ZNG1B: variants seen among roughly 807,000 people sequenced by gnomAD.
The protein encoded by ZNG1B is zinc-regulated GTPase metalloprotein activator 1B.
the ZNG1B span, chr2:113,495,956 T>C: frequency 1.9e-6 from 1 of 530,358 alleles, no homozygotes; most frequent in South Asian, 2.8e-5. Flanking sequence ...TAAAGAATGG[T>C]ATTTCACAAA....
the ZNG1B span, among the ~76,000 whole-genome samples, chr2:113,464,827 T>G: frequency 4.0e-5 from 6 of 151,820 alleles, no homozygotes; most frequent in African/African-American, 1.5e-4. Flanking sequence ...TATGAATGAT[T>G]TTTTCTAAAG....
At chr2:113,440,391 A>G in the ZNG1B span, among the ~76,000 whole-genome samples, 2 of 151,712 alleles carry the variant, frequency 1.3e-5, no homozygotes, top group African/African-American at 4.8e-5. Context: ...CAGTTTTCAC[A>G]TCACTGCCCT....
chr2:113,482,306 A>C, the ZNG1B span: 2 of 1,148,358 alleles, frequency 1.7e-6, no homozygotes, highest in Non-Finnish European at 2.5e-6. Context: ...GGCTATGTTT[A>C]GGACTATTTT....
chr2:113,448,969 T>G, the ZNG1B span, among the ~76,000 whole-genome samples: 1 of 152,200 alleles, frequency 6.6e-6, no homozygotes, highest in East Asian at 1.9e-4. Context: ...ATGAATGATG[T>G]TAGCTACATC....
At chr2:113,477,081 G>T in the ZNG1B span, among the ~76,000 whole-genome samples, 7 of 152,212 alleles carry the variant, frequency 4.6e-5, no homozygotes, top group Admixed American at 2.0e-4. Flanking sequence ...GTTTACCTAA[G>T]CAAGCCTGGG....
the ZNG1B span, among the ~76,000 whole-genome samples, chr2:113,460,387 A>C: frequency 1.3e-5 from 2 of 152,174 alleles, no homozygotes; most frequent in African/African-American, 4.8e-5. Context: ...TATGTGAATC[A>C]AAGGGGTTTT....
the ZNG1B span, among the ~76,000 whole-genome samples, chr2:113,489,032 C>T: frequency 1.3e-5 from 2 of 149,262 alleles, no homozygotes; most frequent in Admixed American, 6.7e-5. Context: ...GGAAATTCAT[C>T]GCAAAAAGAT....
chr2:113,450,481 T>C, the ZNG1B span, among the ~76,000 whole-genome samples: 1 of 150,200 alleles, frequency 6.7e-6, no homozygotes, highest in Non-Finnish European at 1.5e-5. Context: ...TCTTTAGCAC[T>C]ACAAACGCAT....
the ZNG1B span, among the ~76,000 whole-genome samples, chr2:113,483,321 G>A: frequency 6.6e-6 from 1 of 151,860 alleles, no homozygotes; most frequent in Non-Finnish European, 1.5e-5. Context: ...TGGCGGTTAC[G>A]ATGCCTTGCA....
At chr2:113,481,390 A>G in the ZNG1B span, 2 of 151,584 alleles carry the variant, frequency 1.3e-5, no homozygotes, top group African/African-American at 4.9e-5. Context: ...TCTCCCTACT[A>G]GGACCCCCCA....
the ZNG1B span, among the ~76,000 whole-genome samples, chr2:113,439,874 ATTTTTTTTTTTTTTT>A: frequency 1.0e-4 from 7 of 68,892 alleles, no homozygotes; most frequent in East Asian, 4.6e-4. Flanking sequence ...CCTTCCCTTA[ATTTTTTTTTTTTTTT>A]TTTTTTTTTT....
the ZNG1B span, among the ~76,000 whole-genome samples, chr2:113,461,405 T>G: frequency 1.3e-5 from 2 of 151,946 alleles, no homozygotes; most frequent in Non-Finnish European, 2.9e-5. Context: ...TTTTGTAACT[T>G]TTTTCCTTAT....
the ZNG1B span, among the ~76,000 whole-genome samples, chr2:113,472,022 T>C: frequency 4.6e-5 from 7 of 150,952 alleles, no homozygotes; most frequent in Non-Finnish European, 8.8e-5. Flanking sequence ...CTGGGTCAAA[T>C]GGTATTTCTA....
chr2:113,442,611 AT>A, the ZNG1B span, among the ~76,000 whole-genome samples: 1 of 151,862 alleles, frequency 6.6e-6, no homozygotes, highest in African/African-American at 2.4e-5. Flanking sequence ...TATTCTTACT[AT>A]TTTCTTTATT....
the ZNG1B span, among the ~76,000 whole-genome samples, chr2:113,462,035 C>G: frequency 6.6e-6 from 1 of 152,146 alleles, no homozygotes; most frequent in African/African-American, 2.4e-5. Context: ...TATTGGATAT[C>G]TGAATTTTAT....
chr2:113,438,040 T>C, the ZNG1B span: 4 of 1,611,714 alleles, frequency 2.5e-6, no homozygotes, highest in Non-Finnish European at 3.4e-6. Flanking sequence ...ACCATCCCAG[T>C]CACAAAATGG....
chr2:113,452,229 C>T, the ZNG1B span, among the ~76,000 whole-genome samples: 1 of 152,024 alleles, frequency 6.6e-6, no homozygotes, highest in Non-Finnish European at 1.5e-5. Context: ...GATCTTGTGG[C>T]CCTTGCTATA....
chr2:113,437,822 G>T, the ZNG1B span: 1 of 1,609,562 alleles, frequency 6.2e-7, no homozygotes, highest in Non-Finnish European at 8.5e-7. Flanking sequence ...GGTACGGCGT[G>T]TTGGTCCCAG....
chr2:113,466,545 A>C, the ZNG1B span: 10 of 975,174 alleles, frequency 1.0e-5, no homozygotes, highest in Non-Finnish European at 1.2e-5. Flanking sequence ...AAGTGACTAA[A>C]ATCTTCCGTG....
Sources: gnomAD v4.1 joint callset for allele counts (sites outside exome capture counted in the v4.1 genomes callset) on GRCh38, gnomAD v4.1.1 for gene constraint, MANE v1.5 for transcripts, NCBI Gene and HGNC (gene_info 2026-07-23, HGNC 2026-07-21) for gene names.